C5orf63: variants seen among roughly 807,000 people sequenced by gnomAD.
C5orf63 encodes the protein chromosome 5 open reading frame 63, also known as glutaredoxin-like protein C5orf63.
Under a neutral mutation model 13.3 loss-of-function variants are expected in C5orf63, and 18 were observed. The observed-to-expected ratio is 1.36, with a 90% CI of 0.94 to 2.01. The LOEUF is 2.01. C5orf63 is among the 30% of genes most tolerant of loss of function. The pLI is 0.00. For synonymous variants in C5orf63, 38 were observed against 44.7 expected (o/e 0.85, Z 0.60); for missense variants, 118 against 127.7 (o/e 0.92, Z 0.36).
chr5:127,043,766 CA>C (rs1753457767), downstream of C5orf63: 1 of 152,178 alleles, frequency 6.6e-6, no homozygotes, highest in Admixed American at 6.5e-5. Context: ...AAATTCATAA[CA>C]AAGAACATAC....
intron 2 of C5orf63, among the ~76,000 whole-genome samples, chr5:127,064,230 T>C (rs890619753): frequency 2.0e-5 from 3 of 152,184 alleles, no homozygotes; most frequent in Non-Finnish European, 4.4e-5. Context: ...AATACTTTGA[T>C]ATGTCAATTC....
chr5:127,046,686 T>G (rs757294406), downstream of C5orf63: 3 of 152,206 alleles, frequency 2.0e-5, no homozygotes, highest in Non-Finnish European at 4.4e-5. Flanking sequence ...TTCTATAGAT[T>G]TGGTCAGCCA....
intron 3 of C5orf63, among the ~76,000 whole-genome samples, chr5:127,053,826 T>C (rs1007291396): frequency 5.3e-5 from 8 of 152,224 alleles, no homozygotes; most frequent in Non-Finnish European, 1.0e-4. Context: ...CTTAATCCAG[T>C]CTATCACTGA....
intron 2 of C5orf63, among the ~76,000 whole-genome samples, chr5:127,061,203 C>T (rs1475618917): frequency 6.6e-6 from 1 of 152,190 alleles, no homozygotes; most frequent in Non-Finnish European, 1.5e-5. Flanking sequence ...CACCTCAAAT[C>T]TTGCCCTCCT....
downstream of C5orf63, among the ~76,000 whole-genome samples, chr5:127,050,700 A>G (rs1753643357): frequency 6.6e-6 from 1 of 152,208 alleles, no homozygotes; most frequent in South Asian, 2.1e-4. Flanking sequence ...GAGTGGGACT[A>G]GACAATGTCT....
At chr5:127,060,992 A>G in intron 2 of C5orf63, among the ~76,000 whole-genome samples, 1 of 152,174 alleles carries the variant, frequency 6.6e-6, no homozygotes, top group Admixed American at 6.6e-5. Flanking sequence ...AGGCACTCAA[A>G]TATTTATTTG....
In C5orf63 at chr5:127,054,520, T is replaced by C. The variant is rs1462969735; in HGVS notation, c.115-1851A>G. ...AGCATTTTTTCATGTGTCTGTTGGC[T>C]GCATAAATGTCTTCTTTTGAAAAGT... On this transcript the variant is annotated intron_variant, in intron 3 of 4. Coordinates refer to ENST00000296662, the MANE Select transcript of C5orf63 (RefSeq NM_001164478.2). Among the ~76,000 whole-genome samples, 4 of 152,264 alleles carry C rather than the reference T, an allele frequency of 2.6e-5. No individual in the cohort carries two copies. The East Asian group carries it at 7.7e-4, about 29-fold the overall frequency.
chr5:127,058,836 A>C, intron 3 of C5orf63, 46 bp downstream of exon 3: 1 of 1,241,214 alleles, frequency 8.1e-7, no homozygotes, highest in Admixed American at 2.1e-5. Context: ...TTTTTCTTAA[A>C]TGTACAACTT....
At chr5:127,054,131 A>T (rs998616307) in intron 3 of C5orf63, among the ~76,000 whole-genome samples, 5 of 152,214 alleles carry the variant, frequency 3.3e-5, no homozygotes. Context: ...TTTTGCTTTT[A>T]TATTAAGAAT....
At chr5:127,049,897 T>C (rs1753615873), downstream of C5orf63, among the ~76,000 whole-genome samples, 1 of 152,216 alleles carries the variant, frequency 6.6e-6, no homozygotes, top group South Asian at 2.1e-4. Flanking sequence ...AGAATTCATT[T>C]CCTTGAAGCT....
chr5:127,048,516 T>C (rs948017611), downstream of C5orf63, among the ~76,000 whole-genome samples: 15 of 152,016 alleles, frequency 9.9e-5, no homozygotes, highest in African/African-American at 2.4e-4. Flanking sequence ...GGTAGAAAAT[T>C]AGTGAGAGGA....
At chr5:127,047,442 C>A (rs565017613), downstream of C5orf63, 7 of 434,404 alleles carry the variant, frequency 1.6e-5, no homozygotes, top group East Asian at 2.3e-4. Context: ...AGGTATCTAC[C>A]TTTCATTTTG....
chr5:127,071,257 T>C (rs1754528278), intron 2 of C5orf63, among the ~76,000 whole-genome samples: 1 of 152,246 alleles, frequency 6.6e-6, no homozygotes, highest in East Asian at 1.9e-4. Flanking sequence ...TGTTACTAGA[T>C]ATTACTGGTG....
At chr5:127,070,336 CTT>C (rs1266855073) in intron 2 of C5orf63, among the ~76,000 whole-genome samples, 7 of 152,140 alleles carry the variant, frequency 4.6e-5, no homozygotes, top group Non-Finnish European at 1.5e-5. Context: ...ACGTCATGTC[CTT>C]CCCTCCTGAC....
At chr5:127,071,558 A>T (rs1477401909) in intron 2 of C5orf63, 26 bp downstream of exon 2, 1 of 152,252 alleles carries the variant, frequency 6.6e-6, no homozygotes, top group Non-Finnish European at 1.5e-5. Flanking sequence ...AAGCTCACCT[A>T]GTCCCTGCTG....
downstream of C5orf63, chr5:127,046,999 G>C (rs898627839): frequency 6.6e-6 from 1 of 152,204 alleles, no homozygotes; most frequent in African/African-American, 2.4e-5. Context: ...GATTCCTACT[G>C]TCAGATGTCC....
At chr5:127,047,967 G>A (rs1753559524), downstream of C5orf63, 2 of 637,854 alleles carry the variant, frequency 3.1e-6, no homozygotes, top group Non-Finnish European at 5.6e-6. Flanking sequence ...TATTTCAGTG[G>A]TGGAGTTGTA....
rs1753671080 is a variant in C5orf63 at position 127,051,450 on chromosome 5, T to C, written c.*321A>G. On this transcript the variant is annotated 3_prime_UTR_variant, in exon 5 of 5. Coordinates refer to ENST00000296662, the MANE Select transcript of C5orf63 (RefSeq NM_001164478.2). Reference sequence around the variant, plus strand: ...GCAGGAATGCAGAACCTTCTTCCTATAAATGGCATTGCCCAGTGACTGTGA... The same window carrying C: ...GCAGGAATGCAGAACCTTCTTCCTACAAATGGCATTGCCCAGTGACTGTGA... 1 of 1,233,036 alleles carries C rather than the reference T, an allele frequency of 8.1e-7. No homozygotes were observed. Among genetic ancestry groups the C allele is most frequent in the Non-Finnish European group, 1.0e-6 (1 of 988,716 alleles). The allele number at this position is 1,233,036 out of a possible 1,614,324, so 76.4% of individuals were successfully genotyped here. A position where few individuals can be genotyped will look rare whatever the true frequency, so the allele number is the denominator to read the frequency against.
chr5:127,063,098 G>A (rs575019815), intron 2 of C5orf63, among the ~76,000 whole-genome samples: 9 of 152,154 alleles, frequency 5.9e-5, no homozygotes, highest in East Asian at 1.9e-4. Flanking sequence ...GACTCCTGCC[G>A]TTTCAAGTCC....
Sources: allele counts gnomAD v4.1 joint callset (sites outside exome capture counted in the v4.1 genomes callset), GRCh38; gene constraint gnomAD v4.1.1; transcripts MANE v1.5; gene names NCBI Gene and HGNC (gene_info 2026-07-23, HGNC 2026-07-21).